Variants in PLEKHG7 observed in about 807,000 individuals in gnomAD.
The protein encoded by PLEKHG7 is pleckstrin homology and RhoGEF domain containing G7.
Under a neutral mutation model 85.2 loss-of-function variants are expected in PLEKHG7, and 77 were observed. The ratio of observed to expected loss-of-function variants is 0.90; its 90% confidence interval spans 0.75 to 1.09. The LOEUF is 1.09. Ranked by LOEUF, PLEKHG7 falls within the 50% of genes least tolerant of loss-of-function variation. The probability of loss-of-function intolerance (pLI) is 0.00; values close to 1 mark genes in which losing one functional copy is unlikely to be tolerated. For missense variants in PLEKHG7, 777 were observed against 804.3 expected, an observed-to-expected ratio of 0.97 and a Z score of 0.41; for synonymous variants, 301 against 302.4, an observed-to-expected ratio of 1.00 and a Z score of 0.05.
Position 92,729,317 on chromosome 12 carries a change from G to A in PLEKHG7, c.658+197G>A, listed in dbSNP as rs115834183. Among the ~76,000 whole-genome samples the A allele has an allele frequency of 8.9e-3, 1,355 of 151,544 alleles. 20 individuals carry two copies. Among genetic ancestry groups the A allele is most frequent in the African/African-American group, 0.028 (1,159 of 41,226 alleles). The stretch of plus-strand genomic sequence containing the variant: ...AGCTGAGTACCAGTCTTGGTATTGG[G>A]CATTCCATTTACAGAGATGAATAAG... On this transcript the variant is annotated intron_variant, in intron 4 of 16. Coordinates refer to ENST00000344636, the MANE Select transcript of PLEKHG7 (RefSeq NM_001377329.1).
chr12:92,719,544 C>T (rs549510478), intron 3 of PLEKHG7, among the ~76,000 whole-genome samples: 58 of 152,284 alleles, frequency 3.8e-4, no homozygotes, highest in African/African-American at 1.3e-3. Context: ...GGGCAACATT[C>T]GTAGCAAAGG....
chr12:92,749,957 A>ATTTTT (rs1555195929), intron 10 of PLEKHG7, among the ~76,000 whole-genome samples: 2 of 121,152 alleles, frequency 1.7e-5, no homozygotes, highest in Non-Finnish European at 3.4e-5. Flanking sequence ...ATTTTATTTT[A>ATTTTT]TATTTTATTT....
chr12:92,751,205 G>GCCCTAGAA (rs1872682287), intron 10 of PLEKHG7, among the ~76,000 whole-genome samples: 1 of 152,150 alleles, frequency 6.6e-6, no homozygotes, highest in Non-Finnish European at 1.5e-5. Flanking sequence ...TCCTACCTCT[G>GCCCTAGAA]CCCTAGAACA....
At chr12:92,703,170 C>T (rs949939581) in intron 1 of PLEKHG7, 38 bp downstream of exon 1, 2 of 152,376 alleles carry the variant, frequency 1.3e-5, no homozygotes, top group Non-Finnish European at 2.9e-5. Context: ...CTGGGTTTCT[C>T]TCTTGCACTT....
At chr12:92,721,349 G>A in intron 3 of PLEKHG7, 2 of 792,510 alleles carry the variant, frequency 2.5e-6, no homozygotes, top group Non-Finnish European at 1.7e-6. Context: ...GGTTGGGGGG[G>A]AATTCCCGGG....
chr12:92,748,250 C>CT (rs11308028), intron 10 of PLEKHG7, among the ~76,000 whole-genome samples: 61,491 of 143,278 alleles, frequency 0.43, 13,867 homozygotes, highest in East Asian at 0.88. Flanking sequence ...ACACATGATG[C>CT]TTTTTTTTTT....
At chr12:92,711,257 C>T (rs1327297397) in intron 3 of PLEKHG7, among the ~76,000 whole-genome samples, 1 of 152,152 alleles carries the variant, frequency 6.6e-6, no homozygotes, top group Non-Finnish European at 1.5e-5. Context: ...GCATATTGTG[C>T]AGAATAATCT....
chr12:92,714,145 T>C (rs1327026885), intron 3 of PLEKHG7, among the ~76,000 whole-genome samples: 1 of 152,154 alleles, frequency 6.6e-6, no homozygotes, highest in Non-Finnish European at 1.5e-5. Context: ...ACAAGGTTGT[T>C]GGGGGTGGCT....
intron 13 of PLEKHG7, among the ~76,000 whole-genome samples, chr12:92,758,111 C>T (rs1872886425): frequency 6.6e-6 from 1 of 152,158 alleles, no homozygotes; most frequent in South Asian, 2.1e-4. Flanking sequence ...ATGACAAGAA[C>T]AAATCAAAGT....
chr12:92,761,648 AAGAAAG>A (rs1565797619), intron 13 of PLEKHG7, 98 bp from the exon 14 acceptor site: 3 of 1,127,828 alleles, frequency 2.7e-6, no homozygotes, highest in Admixed American at 8.5e-5. Context: ...GAAAGAAAGA[AAGAAAG>A]AAAGAAAGAA....
At chr12:92,768,739 T>A (rs1873297771) in intron 15 of PLEKHG7, among the ~76,000 whole-genome samples, 1 of 152,168 alleles carries the variant, frequency 6.6e-6, no homozygotes, top group Admixed American at 6.5e-5. Flanking sequence ...TCATCAAGTA[T>A]CAGAAGTCAT....
chr12:92,761,026 G>T (rs985345024), intron 13 of PLEKHG7, among the ~76,000 whole-genome samples: 1 of 152,116 alleles, frequency 6.6e-6, no homozygotes, highest in Non-Finnish European at 1.5e-5. Context: ...GACAAGGAGT[G>T]GGGGATAGGG....
intron 3 of PLEKHG7, among the ~76,000 whole-genome samples, chr12:92,711,632 AGTAGTTAT>A (rs1176378801): frequency 6.6e-6 from 1 of 152,154 alleles, no homozygotes; most frequent in Non-Finnish European, 1.5e-5. Context: ...TCAAAAGGAG[AGTAGTTAT>A]CTGCAGAAGA....
At chr12:92,707,821 G>C in intron 3 of PLEKHG7, 149 bp downstream of exon 3, 6 of 1,350,894 alleles carry the variant, frequency 4.4e-6, no homozygotes, top group Middle Eastern at 1.9e-4. Flanking sequence ...CGCATTTATA[G>C]GTGCACGAGT....
chr12:92,719,124 T>C (rs1871567747), intron 3 of PLEKHG7, among the ~76,000 whole-genome samples: 2 of 152,188 alleles, frequency 1.3e-5, no homozygotes, highest in Non-Finnish European at 1.5e-5. Flanking sequence ...TAGTCGAACA[T>C]ACAAAAGCGC....
At chr12:92,762,963 A>G (rs1470768476) in intron 14 of PLEKHG7, among the ~76,000 whole-genome samples, 3 of 152,190 alleles carry the variant, frequency 2.0e-5, no homozygotes, top group Non-Finnish European at 4.4e-5. Context: ...ATGACCTCCC[A>G]TTATAAGTTA....
At chr12:92,713,084 G>A (rs11835224) in intron 3 of PLEKHG7, among the ~76,000 whole-genome samples, 12,503 of 152,198 alleles carry the variant, frequency 0.082, 552 homozygotes, top group South Asian at 0.14. Flanking sequence ...AATTGAGATC[G>A]CACCACTGCA....
chr12:92,762,853 A>G (rs979741341), intron 14 of PLEKHG7, among the ~76,000 whole-genome samples: 2 of 152,234 alleles, frequency 1.3e-5, no homozygotes, highest in Non-Finnish European at 2.9e-5. Flanking sequence ...TCTTTAAGCA[A>G]TAAAATAGAT....
At chr12:92,737,260 G>A (rs1265557560) in intron 6 of PLEKHG7, 118 bp from the exon 7 acceptor site, 3 of 916,206 alleles carry the variant, frequency 3.3e-6, no homozygotes, top group Non-Finnish European at 4.3e-6. Flanking sequence ...GTCTGAAGCA[G>A]GAAATCATGA....
Sources: gnomAD v4.1 joint callset for allele counts (sites outside exome capture counted in the v4.1 genomes callset) on GRCh38, gnomAD v4.1.1 for gene constraint, MANE v1.5 for transcripts, NCBI Gene and HGNC (gene_info 2026-07-23, HGNC 2026-07-21) for gene names.